Variants in GJA5 observed in about 807,000 individuals in gnomAD.
The protein encoded by GJA5 is gap junction protein alpha 5.
GJA5 carries 3 observed loss-of-function variants against 7.9 expected under a neutral mutation model. The ratio of observed to expected loss-of-function variants is 0.38; its 90% CI spans 0.17 to 0.99. The LOEUF (loss-of-function observed/expected upper bound fraction) is 0.99, where lower values mean the gene tolerates loss of function less well. Ranked by LOEUF, GJA5 falls within the 50% of genes least tolerant of loss-of-function variation. The pLI, the probability that GJA5 is intolerant of heterozygous loss-of-function variation, is 0.38. For missense variants in GJA5, 390 were observed against 457.9 expected, an observed-to-expected ratio of 0.85 and a Z score of 1.35; for synonymous variants, 193 against 181.0, an observed-to-expected ratio of 1.07 and a Z score of -0.53.
rs782115535 is a variant in GJA5 at position 147,758,355 on chromosome 1, T to C, written c.884A>G (p.Asn295Ser). The C allele has an allele frequency of 7.4e-6, 12 of 1,614,008 alleles. No individual in the cohort carries two copies. In the South Asian group the frequency reaches 1.3e-4, roughly 18 times the overall value. ...ACCTCGTACTTGCTCGGTGACCAGGTTGTCTGTGTTTTGTTGGGAGGCCAT... is the reference window on the plus strand; with the variant it reads ...ACCTCGTACTTGCTCGGTGACCAGGCTGTCTGTGTTTTGTTGGGAGGCCAT... ...NNMASQQNTD[N>S]LVTEQVRGQE... Residue 295 changes from asparagine (N) to serine (S), a missense_variant, in exon 2 of 2, where the codon AAC becomes AGC. Coordinates refer to ENST00000579774, the MANE Select transcript of GJA5 (RefSeq NM_181703.4).
chr1:147,758,563 G>C lies in GJA5; in HGVS notation c.676C>G (p.Leu226Val). ...ALSLLLSLAE[L>V]YHLGWKKIRQ... is the part of the protein sequence containing the mutation. ...ATCTTCTTCCAGCCCAGGTGGTAGAGTTCAGCCAGGCTAAGGAGGAGGGAC... is the reference window on the plus strand; with the variant it reads ...ATCTTCTTCCAGCCCAGGTGGTAGACTTCAGCCAGGCTAAGGAGGAGGGAC... The change falls in exon 2 of 2, where the codon CTC (leucine) becomes GTC (valine). Residue 226 changes from leucine (L) to valine (V), a missense_variant. Leu to Val is a conservative substitution (Grantham distance 32). This residue lies in a region of GJA5 where 354 missense variants were observed against 370.9 expected (regional missense o/e 0.95). Coordinates refer to ENST00000579774, the MANE Select transcript of GJA5 (RefSeq NM_181703.4). The C allele has an allele frequency of 6.2e-7, 1 of 1,613,608 alleles. No homozygotes were observed.
intron 1 of GJA5, among the ~76,000 whole-genome samples, chr1:147,765,745 T>A (rs1553228099): frequency 6.6e-6 from 1 of 152,132 alleles, no homozygotes; most frequent in Non-Finnish European, 1.5e-5. Flanking sequence ...CCATGCTTAG[T>A]CCATTATTTG....
rs1663872527 is a variant in GJA5 at position 147,758,962 on chromosome 1, T to C, written c.277A>G (p.Met93Val). The change falls in exon 2 of 2, where the codon ATG (methionine) becomes GTG (valine). Residue 93 changes from methionine to valine, a missense_variant. Met to Val is a conservative substitution (Grantham distance 21, BLOSUM62 1). Around this residue, in one of 2 missense-constraint regions of GJA5, gnomAD observed 354 missense variants for 370.9 expected, o/e 0.95. Transcript: ENST00000579774. ...CGCACAGTGTGCATGGCGTGGCCCATGTACACCAGAGAGGGCGTGGAGACG... is the reference window on the plus strand; with the variant it reads ...CGCACAGTGTGCATGGCGTGGCCCACGTACACCAGAGAGGGCGTGGAGACG... Reference protein sequence around the residue: ...IFVSTPSLVYMGHAMHTVRMQ... With the variant: ...IFVSTPSLVYVGHAMHTVRMQ... 6.2e-6 allele frequency: 10 copies of C among 1,614,190 alleles called. No homozygotes were observed. The highest frequency in any genetic ancestry group is 7.6e-6 in the Non-Finnish European group (9 of 1,180,022).
chr1:147,770,846 C>T (rs1260082575), intron 1 of GJA5, among the ~76,000 whole-genome samples: 1 of 152,184 alleles, frequency 6.6e-6, no homozygotes, highest in Non-Finnish European at 1.5e-5. Flanking sequence ...ATCAAGCTGG[C>T]ATCACCAGGA....
chr1:147,772,338 G>A (rs1375987034), intron 1 of GJA5, among the ~76,000 whole-genome samples: 4 of 152,136 alleles, frequency 2.6e-5, no homozygotes, highest in Non-Finnish European at 4.4e-5. Context: ...CTTGTGTTGC[G>A]CCTCCCTTTT....
chr1:147,767,965 A>G (rs1416588214), intron 1 of GJA5, among the ~76,000 whole-genome samples: 11 of 152,234 alleles, frequency 7.2e-5, no homozygotes, highest in Admixed American at 4.6e-4. Context: ...TCTTACATTT[A>G]GGATTTTCAT....
chr1:147,764,823 C>CA (rs10622801), upstream of GJA5, among the ~76,000 whole-genome samples: 68,285 of 124,532 alleles, frequency 0.55, 18,593 homozygotes, highest in Middle Eastern at 0.69. Context: ...GACTCCGTCT[C>CA]AAAAAAAAAA....
At chr1:147,768,204 T>C (rs10793705) in intron 1 of GJA5, among the ~76,000 whole-genome samples, 84,224 of 151,984 alleles carry the variant, frequency 0.55, 23,314 homozygotes, top group East Asian at 0.63. Context: ...AGTCTTCCTC[T>C]TACTCTGGCC....
intron 1 of GJA5, among the ~76,000 whole-genome samples, chr1:147,770,309 T>G (rs1311911893): frequency 1.3e-5 from 2 of 152,182 alleles, no homozygotes; most frequent in African/African-American, 2.4e-5. Flanking sequence ...CTTCCATCTC[T>G]AAGTTAGAAC....
At chr1:147,762,413 A>T (rs141213921), upstream of GJA5, among the ~76,000 whole-genome samples, 230 of 152,336 alleles carry the variant, frequency 1.5e-3, no homozygotes, top group African/African-American at 5.2e-3. Context: ...CAGGCAAAGA[A>T]TGTGACCCTT....
At chr1:147,759,848 A>G (rs1663920273) in intron 1 of GJA5, among the ~76,000 whole-genome samples, 1 of 152,190 alleles carries the variant, frequency 6.6e-6, no homozygotes, top group South Asian at 2.1e-4. Context: ...ACTGTTCCAA[A>G]TGTTTAAATG....
At chr1:147,767,485 T>C (rs1553228353) in intron 1 of GJA5, among the ~76,000 whole-genome samples, 3 of 150,816 alleles carry the variant, frequency 2.0e-5, no homozygotes, top group African/African-American at 7.3e-5. Flanking sequence ...CCTCCTGAAC[T>C]CAGGTGATCC....
chr1:147,758,069 G>A lies in GJA5; in HGVS notation c.*93C>T, dbSNP rs1553226705. On this transcript the variant is annotated 3_prime_UTR_variant, in exon 2 of 2. Coordinates refer to ENST00000579774, the MANE Select transcript of GJA5 (RefSeq NM_181703.4). ...GGGCTCAAAGGAGCCAAGCAGTGATGACAGTGAGAAAGCATCAGTTCAGAA... is the reference window on the plus strand; with the variant it reads ...GGGCTCAAAGGAGCCAAGCAGTGATAACAGTGAGAAAGCATCAGTTCAGAA... 4.5e-6 allele frequency: 4 copies of A among 898,086 alleles called. No homozygotes were observed. Among genetic ancestry groups the A allele is most frequent in the Non-Finnish European group, 7.5e-6 (4 of 532,024 alleles). The allele number at this position is 898,086 out of a possible 1,614,324, so 55.6% of individuals were successfully genotyped here.
At chr1:147,761,464 C>A (rs1467191187), upstream of GJA5, among the ~76,000 whole-genome samples, 1 of 152,070 alleles carries the variant, frequency 6.6e-6, no homozygotes, top group Non-Finnish European at 1.5e-5. Flanking sequence ...TCTCTCAGAC[C>A]CCAGGTCCCC....
intron 1 of GJA5, among the ~76,000 whole-genome samples, chr1:147,770,359 G>A (rs1381809888): frequency 2.0e-5 from 3 of 152,046 alleles, no homozygotes; most frequent in Non-Finnish European, 4.4e-5. Flanking sequence ...TGATAGCATG[G>A]CAAGTTAGTG....
intron 1 of GJA5, among the ~76,000 whole-genome samples, chr1:147,772,217 A>C (rs1664433537): frequency 6.6e-6 from 1 of 152,160 alleles, no homozygotes; most frequent in African/African-American, 2.4e-5. Context: ...TTCCAGAAAC[A>C]GCAGCCCCAG....
intron 1 of GJA5, among the ~76,000 whole-genome samples, chr1:147,760,094 T>C (rs1663938490): frequency 6.6e-6 from 1 of 151,134 alleles, no homozygotes; most frequent in African/African-American, 2.5e-5. Context: ...TAAGGCAATG[T>C]TGATCTCCCA....
Position 147,758,733 on chromosome 1 carries a change from A to G in GJA5, c.506T>C (p.Val169Ala), listed in dbSNP as rs782712799. Reference sequence around the variant, plus strand: ...GATTCCGTAGATGAAGTACTGGCCCACAATGAAGCCCACCTCCATGGTGGT... The same window carrying G: ...GATTCCGTAGATGAAGTACTGGCCCGCAATGAAGCCCACCTCCATGGTGGT... ...IRTTMEVGFIVGQYFIYGIFL... is the reference protein window; with the variant it reads ...IRTTMEVGFIAGQYFIYGIFL... The change falls in exon 2 of 2, where the codon GTG becomes GCG. Residue 169 changes from valine (V) to alanine (A), a missense_variant. Around this residue, in one of 2 missense-constraint regions of GJA5, gnomAD observed 354 missense variants for 370.9 expected, o/e 0.95. Transcript: ENST00000579774. 6.2e-7 allele frequency: 1 copy of G among 1,614,212 alleles called. No homozygotes were observed. Among genetic ancestry groups the G allele is most frequent in the South Asian group, 1.1e-5 (1 of 91,084 alleles).
intron 1 of GJA5, among the ~76,000 whole-genome samples, chr1:147,771,503 C>T (rs1308868872): frequency 2.6e-5 from 4 of 152,126 alleles, no homozygotes; most frequent in African/African-American, 9.7e-5. Flanking sequence ...TGGAAGAGAC[C>T]TCTTTCAGTT....
Sources: gnomAD v4.1 joint callset for allele counts (sites outside exome capture counted in the v4.1 genomes callset) on GRCh38, gnomAD v4.1.1 for gene constraint, gnomAD v4.1.1 regional missense constraint, MANE v1.5 for transcripts, NCBI Gene and HGNC (gene_info 2026-07-23, HGNC 2026-07-21) for gene names.